GRIK2: variants seen among roughly 807,000 people sequenced by gnomAD.
The protein encoded by GRIK2 is glutamate receptor ionotropic, kainate 2.
A neutral mutation model predicts 100.3 loss-of-function variants in GRIK2; 32 were observed. The observed-to-expected ratio is 0.32, with a 90% confidence interval of 0.24 to 0.43. GRIK2 has a LOEUF of 0.43. Among genes scored for constraint, GRIK2 ranks in the 20% least tolerant of loss-of-function variants. The pLI, the probability that GRIK2 is intolerant of heterozygous loss-of-function variation, is 1.00. For missense variants in GRIK2, 843 were observed against 1,114.9 expected, an observed-to-expected ratio of 0.76 and a Z score of 3.47; for synonymous variants, 417 against 389.4, an observed-to-expected ratio of 1.07 and a Z score of -0.83.
rs1788485326 is a variant in GRIK2, at chr6:101,909,378, TTTTC to T, written c.1749-15219_1749-15216del. On this transcript the variant is annotated intron_variant, in intron 12 of 16. Coordinates refer to ENST00000369134, the MANE Select transcript of GRIK2 (RefSeq NM_021956.5). ...ATGCTGAAGGAAGATAGGGTTTTCT[TTTTC>T]TTTTTTTTTTTTTTAAAGATCATTT... is the stretch of plus-strand genomic sequence containing the variant. Among the ~76,000 whole-genome samples the T allele has an allele frequency of 1.6e-4, 19 of 120,394 alleles. 3 individuals carry two copies. The South Asian group carries it at 1.9e-3, about 12-fold the overall frequency. The allele number at this position is 120,394 out of a possible 152,430, so 79.0% of individuals were successfully genotyped here. A position where few individuals can be genotyped will look rare whatever the true frequency, so the allele number is the denominator to read the frequency against.
At chr6:101,704,677 C>T (rs1205504085) in intron 7 of GRIK2, among the ~76,000 whole-genome samples, 2 of 151,112 alleles carry the variant, frequency 1.3e-5, no homozygotes, top group East Asian at 1.9e-4. Context: ...CTTCTCCCCA[C>T]CCCCCGAAAA....
chr6:101,557,125 T>C (rs761315839), intron 2 of GRIK2, among the ~76,000 whole-genome samples: 4 of 152,206 alleles, frequency 2.6e-5, no homozygotes, highest in Admixed American at 1.3e-4. Flanking sequence ...GGAATGAATA[T>C]AGTCTAATAT....
intron 8 of GRIK2, among the ~76,000 whole-genome samples, chr6:101,800,520 GTAT>G (rs959521494): frequency 1.3e-5 from 2 of 151,846 alleles, no homozygotes; most frequent in Non-Finnish European, 2.9e-5. Flanking sequence ...AATATCACAG[GTAT>G]TATTACCATA....
At chr6:101,552,002 G>T (rs1387039059) in intron 2 of GRIK2, among the ~76,000 whole-genome samples, 2 of 152,140 alleles carry the variant, frequency 1.3e-5, no homozygotes, top group African/African-American at 4.8e-5. Context: ...AAAAATATTG[G>T]ATGAACCTGA....
intron 2 of GRIK2, among the ~76,000 whole-genome samples, chr6:101,441,936 A>G (rs897147538): frequency 6.6e-6 from 1 of 151,464 alleles, no homozygotes; most frequent in Non-Finnish European, 1.5e-5. Flanking sequence ...TAGTGAAAGG[A>G]TATGTATACT....
intron 2 of GRIK2, among the ~76,000 whole-genome samples, chr6:101,469,766 CT>C (rs1471748102): frequency 6.6e-6 from 1 of 152,136 alleles, no homozygotes; most frequent in African/African-American, 2.4e-5. Context: ...CTATTTTATC[CT>C]GTGCCATCCC....
chr6:101,589,544 T>A (rs976007929), intron 2 of GRIK2, among the ~76,000 whole-genome samples: 1 of 152,100 alleles, frequency 6.6e-6, no homozygotes, highest in African/African-American at 2.4e-5. Flanking sequence ...CTGAGGGGGA[T>A]CACGTCATAT....
At chr6:102,044,362 G>A (rs1205114534) in intron 15 of GRIK2, among the ~76,000 whole-genome samples, 1 of 151,860 alleles carries the variant, frequency 6.6e-6, no homozygotes, top group South Asian at 2.1e-4. Flanking sequence ...CCTATCTTAA[G>A]ATTCCTGTAT....
In GRIK2 at chr6:102,069,496, T is replaced by G. The variant is rs1205590591; in HGVS notation, c.*985T>G. The G allele has an allele frequency of 1.3e-5, 2 of 151,748 alleles. No individual in the cohort carries two copies. Among genetic ancestry groups the G allele is most frequent in the Non-Finnish European group, 2.9e-5 (2 of 67,870 alleles). The allele number at this position is 151,748 out of a possible 1,614,324, so 9.4% of individuals were successfully genotyped here. On this transcript the variant is annotated 3_prime_UTR_variant, in exon 17 of 17. Transcript: ENST00000369134. ...CCCTTGTTCCTGCTGTAAATGAACT[T>G]GATGGAGCATGGGCAGATTTCAGTG...
chr6:101,618,548 A>G (rs1412994407), intron 2 of GRIK2, among the ~76,000 whole-genome samples: 1 of 151,794 alleles, frequency 6.6e-6, no homozygotes, highest in Non-Finnish European at 1.5e-5. Context: ...TTCATCAGTC[A>G]TTCCTATTCT....
intron 14 of GRIK2, among the ~76,000 whole-genome samples, chr6:102,026,148 A>ATG (rs1554193710): frequency 1.4e-4 from 16 of 112,464 alleles, no homozygotes; most frequent in South Asian, 2.7e-4. Context: ...ATATATATAT[A>ATG]TATATATGAA....
At chr6:101,795,287 C>T (rs189954251) in intron 7 of GRIK2, among the ~76,000 whole-genome samples, 336 of 152,194 alleles carry the variant, frequency 2.2e-3, no homozygotes, top group African/African-American at 7.8e-3. Flanking sequence ...TAGCATAGTC[C>T]TCATATGATT....
intron 16 of GRIK2, among the ~76,000 whole-genome samples, chr6:102,057,493 G>A (rs1021547216): frequency 4.0e-5 from 6 of 151,788 alleles, no homozygotes; most frequent in African/African-American, 1.2e-4. Flanking sequence ...GACATTCTAT[G>A]GATCTATATG....
At position 101,411,548 on chromosome 6, in the gene GRIK2, A is replaced by G. The variant is rs186065413; in HGVS notation, c.115+12156A>G. ...AAATAAAGATCTCACACACTGTGCTAGATAATCCTAAGAAGTTTTTGACCT... is the reference window on the plus strand; with the variant it reads ...AAATAAAGATCTCACACACTGTGCTGGATAATCCTAAGAAGTTTTTGACCT... On this transcript the variant is annotated intron_variant, in intron 2 of 16. Coordinates refer to ENST00000369134, the MANE Select transcript of GRIK2 (RefSeq NM_021956.5). Among the ~76,000 whole-genome samples, 6 of 152,234 alleles carry G rather than the reference A, an allele frequency of 3.9e-5. No homozygotes were observed. In the East Asian group the frequency reaches 1.2e-3, roughly 29 times the overall value.
chr6:101,507,968 CAAT>C, intron 2 of GRIK2, among the ~76,000 whole-genome samples: 1 of 151,998 alleles, frequency 6.6e-6, no homozygotes, highest in East Asian at 1.9e-4. Context: ...AAGTAGAAGA[CAAT>C]AATTTTCTGC....
intron 2 of GRIK2, among the ~76,000 whole-genome samples, chr6:101,560,717 T>TA (rs1227905622): frequency 2.2e-4 from 1 of 4,562 alleles, no homozygotes; most frequent in African/African-American, 2.5e-3. Context: ...TATCAGTAAA[T>TA]TTTTTTTCCT....
rs1342684111 is a variant in GRIK2, at chr6:101,803,868, A to G, written c.1203+1430A>G. 4.6e-5 allele frequency among the ~76,000 whole-genome samples: 7 copies of G among 151,906 alleles called. No homozygotes were observed. In the East Asian group the frequency reaches 1.2e-3, roughly 25 times the overall value. On this transcript the variant is annotated intron_variant, in intron 9 of 16. Transcript: ENST00000369134. ...CGCCTGAATATAATGGTTATCAAGT[A>G]CATATGATGATCTATCACACTGATA...
chr6:101,774,713 T>G (rs1054085740), intron 7 of GRIK2, among the ~76,000 whole-genome samples: 1 of 152,190 alleles, frequency 6.6e-6, no homozygotes, highest in African/African-American at 2.4e-5. Flanking sequence ...CATTTATATT[T>G]AAAAAGTGAA....
chr6:101,864,567 T>G (rs1042897519), intron 11 of GRIK2, among the ~76,000 whole-genome samples: 2 of 152,174 alleles, frequency 1.3e-5, no homozygotes, highest in African/African-American at 4.8e-5. Context: ...AAACTCTAAG[T>G]TGGGACATGA....
Sources: allele counts gnomAD v4.1 joint callset (sites outside exome capture counted in the v4.1 genomes callset), GRCh38; gene constraint gnomAD v4.1.1; transcripts MANE v1.5; gene names NCBI Gene and HGNC (gene_info 2026-07-23, HGNC 2026-07-21).